Variants in NRIP2 observed in about 807,000 individuals in gnomAD.
NRIP2 encodes nuclear receptor interacting protein 2.
Under a neutral mutation model 34.1 loss-of-function variants are expected in NRIP2, and 27 were observed. The observed-to-expected ratio is 0.79, with a 90% confidence interval of 0.58 to 1.09. NRIP2 has a LOEUF of 1.09. NRIP2 is among the 50% of genes least tolerant of loss of function. The probability of loss-of-function intolerance (pLI) is 0.00; values close to 1 mark genes in which losing one functional copy is unlikely to be tolerated. For synonymous variants in NRIP2, 145 were observed against 146.9 expected, an observed-to-expected ratio of 0.99 and a Z score of 0.09; for missense variants, 385 against 352.6, an observed-to-expected ratio of 1.09 and a Z score of -0.74.
chr12:2,827,583 T>A lies in NRIP2; in HGVS notation c.753+42A>T. Reference sequence around the variant, plus strand: ...TTCCACACCTGTGCCTTCTACTACTTTTTCCCAGTGCTTTGGGTCAGGCCC... The same window carrying A: ...TTCCACACCTGTGCCTTCTACTACTATTTCCCAGTGCTTTGGGTCAGGCCC... On this transcript the variant is annotated intron_variant, in intron 5 of 5. Transcript: ENST00000337508. This position sits in a 1 kb window ranked among gnomAD's most constrained non-coding sequence, Gnocchi z 4.0. 2 of 1,613,740 alleles carry A rather than the reference T, an allele frequency of 1.2e-6. No individual in the cohort carries two copies. The highest frequency in any genetic ancestry group is 1.7e-6 in the Non-Finnish European group (2 of 1,179,908).
Position 2,828,405 on chromosome 12 carries a change from G to A in NRIP2, c.505C>T (p.Gln169Ter). The A allele has an allele frequency of 6.2e-7, 1 of 1,613,976 alleles. No individual in the cohort carries two copies. The highest frequency in any genetic ancestry group is 8.5e-7 in the Non-Finnish European group (1 of 1,179,924). Residue 169 changes from glutamine to a stop codon, truncating the protein, a stop_gained, in exon 3 of 6, where the codon CAG becomes TAG. Coordinates refer to ENST00000337508, the MANE Select transcript of NRIP2 (RefSeq NM_031474.3). LOFTEE classifies it high-confidence loss of function. ...ALLVNCKCQD[Q>*]LLRVAVDTGT... ...GTGTCAACGGCCACTCTAAGCAGCT[G>A]GTCCTGGCACTAAGAAAGAAGAATC...
chr12:2,828,767 G>A (rs572317923), intron 2 of NRIP2, among the ~76,000 whole-genome samples: 5 of 152,246 alleles, frequency 3.3e-5, no homozygotes, highest in East Asian at 1.9e-4. Context: ...GCTTGAACCC[G>A]AGAGGCGGAG....
In NRIP2 at chr12:2,834,839, C is replaced by T. The variant is rs1482050857; in HGVS notation, c.145G>A (p.Gly49Arg). 3.7e-6 allele frequency: 6 copies of T among 1,613,606 alleles called. No individual in the cohort carries two copies. In the Admixed American group the frequency reaches 8.3e-5, roughly 22 times the overall value. Residue 49 changes from glycine (G) to arginine (R), a missense_variant, in exon 1 of 6, where the codon GGG becomes AGG. Transcript: ENST00000337508. The part of the protein sequence containing the change: ...PSSPWPTPPA[G>R]AMSTKQEARR... ...GCCTCCTGCTTGGTGCTCATGGCCC[C>T]TGCTGGAGGAGTGGGCCAGGGGCTG...
At chr12:2,830,050 C>T (rs145676867) in intron 2 of NRIP2, among the ~76,000 whole-genome samples, 2,876 of 151,938 alleles carry the variant, frequency 0.019, 85 homozygotes, top group African/African-American at 0.065. Context: ...GCACTCCAGC[C>T]TGGGTGACAG....
Position 2,828,332 on chromosome 12 carries a change from C to T in NRIP2, c.578G>A (p.Gly193Glu). The change falls in exon 3 of 6, where the codon GGG becomes GAG. Residue 193 changes from glycine (G) to glutamate (E), a missense_variant and splice_region_variant. Coordinates refer to ENST00000337508, the MANE Select transcript of NRIP2 (RefSeq NM_031474.3). ...RISAGCLSRL[G>E]LEKRVLKASA... ...TTGCTTGTTTGGGCCACATTCTTAC[C>T]CCAGGCGGCTGAGACATCCAGCAGA... 1.2e-6 allele frequency: 2 copies of T among 1,613,930 alleles called. No individual in the cohort carries two copies. The highest frequency in any genetic ancestry group is 1.7e-6 in the Non-Finnish European group (2 of 1,179,934).
intron 2 of NRIP2, among the ~76,000 whole-genome samples, chr12:2,829,011 G>A (rs1401304784): frequency 6.6e-6 from 1 of 151,856 alleles, no homozygotes; most frequent in African/African-American, 2.4e-5. Flanking sequence ...ACCAGCCTAG[G>A]CAACATAGCA....
chr12:2,832,933 G>A (rs923954354), intron 1 of NRIP2, among the ~76,000 whole-genome samples: 8 of 151,642 alleles, frequency 5.3e-5, no homozygotes, highest in Non-Finnish European at 1.0e-4. Context: ...AAAGTTCAGC[G>A]AGCTCTGGGA....
In NRIP2 at chr12:2,827,867, C is replaced by T; in HGVS notation, c.700+59G>A. The T allele has an allele frequency of 1.9e-6, 3 of 1,611,682 alleles. No individual in the cohort carries two copies. The highest frequency in any genetic ancestry group is 2.5e-6 in the Non-Finnish European group (3 of 1,179,594). ...AGGGAGTGAAAGTCTCAGCCTTTGCCCCACCCCAAAGAGAAAGGTGAGGTG... is the reference window on the plus strand; with the variant it reads ...AGGGAGTGAAAGTCTCAGCCTTTGCTCCACCCCAAAGAGAAAGGTGAGGTG... On this transcript the variant is annotated intron_variant, in intron 4 of 5. Transcript: ENST00000337508. This position sits in a 1 kb window ranked among gnomAD's most constrained non-coding sequence, Gnocchi z 4.0.
At chr12:2,828,631 G>A (rs2153925801) in intron 2 of NRIP2, among the ~76,000 whole-genome samples, 1 of 152,230 alleles carries the variant, frequency 6.6e-6, no homozygotes, top group Middle Eastern at 3.4e-3. Flanking sequence ...CCTGAGGTCG[G>A]GAGTTCAAGA....
rs577732911 is a variant in NRIP2 at position 2,833,212 on chromosome 12, A to G, written c.342+1430T>C. Among the ~76,000 whole-genome samples, 21 of 152,146 alleles carry G rather than the reference A, an allele frequency of 1.4e-4. 1 individual carries two copies. In the South Asian group the frequency reaches 3.3e-3, roughly 24 times the overall value. On this transcript the variant is annotated intron_variant, in intron 1 of 5. Transcript: ENST00000337508. Reference sequence around the variant, plus strand: ...CGGGACCTGCCACTCCGGGATGGCAATGTCAGTAGAGCACCTTCTCCTGGG... The same window carrying G: ...CGGGACCTGCCACTCCGGGATGGCAGTGTCAGTAGAGCACCTTCTCCTGGG...
chr12:2,827,964 A>T lies in NRIP2; in HGVS notation c.662T>A (p.Leu221Gln). ...PTQVEQLELQ[L>Q]GQETVVCSAQ... The stretch of plus-strand genomic sequence containing the variant: ...CGAGCACACCACAGTCTCCTGCCCC[A>T]GCTGTAGCTCCAACTGCTCCACCTG... The change falls in exon 4 of 6, where the codon CTG becomes CAG. Residue 221 changes from leucine to glutamine, a missense_variant. Physicochemically the swap from Leu to Gln is moderately radical, Grantham distance 113. Coordinates refer to ENST00000337508, the MANE Select transcript of NRIP2 (RefSeq NM_031474.3). This position sits in a 1 kb window ranked among gnomAD's most constrained non-coding sequence, Gnocchi z 4.0. 1 of 1,614,214 alleles carries T rather than the reference A, an allele frequency of 6.2e-7. No individual in the cohort carries two copies. The highest frequency in any genetic ancestry group is 1.1e-5 in the South Asian group (1 of 91,084).
Position 2,834,626 on chromosome 12 carries a change from AG to A in NRIP2, c.342+15del. On this transcript the variant is annotated intron_variant, in intron 1 of 5. Coordinates refer to ENST00000337508, the MANE Select transcript of NRIP2 (RefSeq NM_031474.3). ...AAAGGCCAGGGGACGCTGGCAGGGG[AG>A]GGGTGATGCCTCACCAAGTCCTTGG... 1 of 1,557,562 alleles carries A rather than the reference AG, an allele frequency of 6.4e-7. No homozygotes were observed. The highest frequency in any genetic ancestry group is 8.7e-7 in the Non-Finnish European group (1 of 1,153,346).
Position 2,826,914 on chromosome 12 carries a change from T to C in NRIP2, c.*293A>G. The stretch of plus-strand genomic sequence containing the variant: ...AGCCCAAGCAGGCACCCCATTGTGC[T>C]TAGGTTCCTATCTGTGGTCTTGATT... On this transcript the variant is annotated 3_prime_UTR_variant, in exon 6 of 6. Coordinates refer to ENST00000337508, the MANE Select transcript of NRIP2 (RefSeq NM_031474.3). 8.7e-7 allele frequency: 1 copy of C among 1,148,722 alleles called. No homozygotes were observed. Among genetic ancestry groups the C allele is most frequent in the South Asian group, 1.9e-5 (1 of 53,642 alleles). The allele number at this position is 1,148,722 out of a possible 1,614,324, so 71.2% of individuals were successfully genotyped here. A position where few individuals can be genotyped will look rare whatever the true frequency, so the allele number is the denominator to read the frequency against.
At chr12:2,832,410 CCT>C (rs2098007971) in intron 1 of NRIP2, among the ~76,000 whole-genome samples, 1 of 149,704 alleles carries the variant, frequency 6.7e-6, no homozygotes, top group Non-Finnish European at 1.5e-5. Context: ...TGTCTTCACT[CCT>C]CTCTCCTCTC....
intron 1 of NRIP2, 40 bp from the exon 2 acceptor site, chr12:2,830,900 AC>A (rs1188955296): frequency 1.3e-6 from 2 of 1,597,270 alleles, no homozygotes; most frequent in South Asian, 2.3e-5. Context: ...GCAGTTCTAA[AC>A]CCAGGCATCC....
chr12:2,826,825 T>TAAA lies in NRIP2; in HGVS notation c.*381_*382insTTT. On this transcript the variant is annotated 3_prime_UTR_variant, in exon 6 of 6. Coordinates refer to ENST00000337508, the MANE Select transcript of NRIP2 (RefSeq NM_031474.3). ...TGAGAGACATGGTGGTGTGGGAAGT[T>TAAA]GAGTTGTGTTTGGGGTGGTATTGGG... The TAAA allele has an allele frequency of 1.8e-5, 5 of 283,072 alleles. No homozygotes were observed. Among genetic ancestry groups the TAAA allele is most frequent in the South Asian group, 8.4e-5 (2 of 23,920 alleles). The allele number at this position is 283,072 out of a possible 1,614,324, so 17.5% of individuals were successfully genotyped here.
intron 1 of NRIP2, 55 bp downstream of exon 1, chr12:2,834,587 G>T (rs2098018904): frequency 3.9e-6 from 6 of 1,524,354 alleles, no homozygotes; most frequent in Non-Finnish European, 5.3e-6. Context: ...CTCAGGATCT[G>T]GGAAGTGGAA....
chr12:2,831,867 G>T lies in NRIP2; in HGVS notation c.343-1007C>A, dbSNP rs570382803. 2.0e-5 allele frequency among the ~76,000 whole-genome samples: 3 copies of T among 152,194 alleles called. No individual in the cohort carries two copies. The South Asian group carries it at 6.2e-4, about 32-fold the overall frequency. ...TAGCCTCAGCCTCCTGAGCAGCTGG[G>T]ACCAAAAGCATATGCCACAGTACCT... On this transcript the variant is annotated intron_variant, in intron 1 of 5. Coordinates refer to ENST00000337508, the MANE Select transcript of NRIP2 (RefSeq NM_031474.3).
chr12:2,834,564 G>T, intron 1 of NRIP2, 78 bp downstream of exon 1: 4 of 1,510,456 alleles, frequency 2.6e-6, no homozygotes, highest in African/African-American at 2.8e-5. Flanking sequence ...GCACTTTCTG[G>T]TCCTGCCTCC....
Sources: allele counts gnomAD v4.1 joint callset (sites outside exome capture counted in the v4.1 genomes callset), GRCh38; gene constraint gnomAD v4.1.1; non-coding constraint Gnocchi (gnomAD v3.1); transcripts MANE v1.5; gene names NCBI Gene and HGNC (gene_info 2026-07-23, HGNC 2026-07-21).